ADA2: variants seen among roughly 807,000 people sequenced by gnomAD.
ADA2 encodes adenosine deaminase CECR1.
A neutral mutation model predicts 44.2 loss-of-function variants in ADA2; 29 were observed. The ratio of observed to expected loss-of-function variants is 0.66; its 90% CI spans 0.49 to 0.89. The LOEUF is 0.89. ADA2 is among the 40% of genes least tolerant of loss of function. The pLI, the probability that ADA2 is intolerant of heterozygous loss-of-function variation, is 0.00. For synonymous variants in ADA2, 215 were observed against 234.9 expected (o/e 0.92, Z 0.77); for missense variants, 637 against 644.8 (o/e 0.99, Z 0.13).
chr22:17,219,071 G>A (rs9619018), intron 1 of ADA2, among the ~76,000 whole-genome samples: 105 of 152,340 alleles, frequency 6.9e-4, no homozygotes, highest in African/African-American at 2.2e-3. Flanking sequence ...GCACAAGAAT[G>A]GCTTGAACTC....
chr22:17,193,447 A>T, intron 4 of ADA2: 1 of 359,256 alleles, frequency 2.8e-6, no homozygotes, highest in Non-Finnish European at 5.1e-6. Context: ...TGGGTGGATC[A>T]CGAGGTCATG....
intron 1 of ADA2, among the ~76,000 whole-genome samples, chr22:17,212,794 C>A (rs1483325062): frequency 7.4e-6 from 1 of 135,540 alleles, no homozygotes; most frequent in East Asian, 2.2e-4. Flanking sequence ...TTTTTTTTTT[C>A]CTTGAGACAG....
rs2062391435 is a variant in ADA2, at chr22:17,209,355, C to T, written c.322+1G>A. The T allele has an allele frequency of 1.2e-6, 2 of 1,612,322 alleles. No homozygotes were observed. The highest frequency in any genetic ancestry group is 1.7e-6 in the Non-Finnish European group (2 of 1,178,802). ...CCAAGCCACCCCTTTCCAAACCTTACCTTTTGGCATCATCCTTAGAATATT... is the reference window on the plus strand; with the variant it reads ...CCAAGCCACCCCTTTCCAAACCTTATCTTTTGGCATCATCCTTAGAATATT... On this transcript the variant is annotated splice_donor_variant, in intron 2 of 9. Transcript: ENST00000399837. LOFTEE classifies it high-confidence loss of function.
chr22:17,220,939 C>T (rs934352089), upstream of ADA2, among the ~76,000 whole-genome samples: 5 of 151,930 alleles, frequency 3.3e-5, no homozygotes, highest in Non-Finnish European at 5.9e-5. Context: ...TTTGGGAGGC[C>T]GAGGCAGGTG....
intron 4 of ADA2, chr22:17,199,685 C>T: frequency 6.3e-7 from 1 of 1,586,590 alleles, no homozygotes; most frequent in Non-Finnish European, 8.6e-7. Flanking sequence ...GTGAGGAAAG[C>T]GACGAACTTA....
chr22:17,209,421 A>C lies in ADA2; in HGVS notation c.257T>G (p.Phe86Cys). The C allele has an allele frequency of 6.2e-7, 1 of 1,614,074 alleles. No homozygotes were observed. The highest frequency in any genetic ancestry group is 8.5e-7 in the Non-Finnish European group (1 of 1,180,034). ...RTLIFPPSMH[F>C]FQAKHLIERS... The stretch of plus-strand genomic sequence containing the variant: ...CTCAATGAGATGCTTGGCCTGGAAA[A>C]AGTGCATGCTGGGTGGGAATATCAG... The change falls in exon 2 of 10, where the codon TTT (phenylalanine) becomes TGT (cysteine). Residue 86 changes from phenylalanine (F) to cysteine (C), a missense_variant. By Grantham distance (205) the Phe-to-Cys change is radical (BLOSUM62 -2). Coordinates refer to ENST00000399837, the MANE Select transcript of ADA2 (RefSeq NM_001282225.2).
In ADA2 at chr22:17,181,328, G is replaced by T; in HGVS notation, c.*155C>A. On this transcript the variant is annotated 3_prime_UTR_variant, in exon 10 of 10. Transcript: ENST00000399837. ...GTGGCTGAGAGAGAATATTTCCAGA[G>T]GATGAATTTGCTCAGCCAGCCAAGT... is the stretch of plus-strand genomic sequence containing the variant. 4.6e-6 allele frequency: 3 copies of T among 658,300 alleles called. No homozygotes were observed. The South Asian group carries it at 5.1e-5, about 11-fold the overall frequency. The allele number at this position is 658,300 out of a possible 1,614,324, so 40.8% of individuals were successfully genotyped here. A position where few individuals can be genotyped will look rare whatever the true frequency, so the allele number is the denominator to read the frequency against.
rs748018370 is a variant in ADA2 at position 17,181,435 on chromosome 22, G to T, written c.*48C>A. 1.7e-6 allele frequency: 2 copies of T among 1,201,952 alleles called. No individual in the cohort carries two copies. Among genetic ancestry groups the T allele is most frequent in the South Asian group, 1.2e-5 (1 of 82,578 alleles). 74.5% of individuals were successfully genotyped at this position (1,201,952 alleles called of 1,614,324 possible). ...GATTCAAGAACGAGTGAGAGGAAGT[G>T]ACAGCGTGTGCAAGAAGACAGCTTG... On this transcript the variant is annotated 3_prime_UTR_variant, in exon 10 of 10. Coordinates refer to ENST00000399837, the MANE Select transcript of ADA2 (RefSeq NM_001282225.2).
chr22:17,208,506 T>C (rs1304224415), intron 2 of ADA2, among the ~76,000 whole-genome samples: 4 of 149,782 alleles, frequency 2.7e-5, no homozygotes, highest in Admixed American at 2.0e-4. Flanking sequence ...TTTTACATTT[T>C]AAATTAACAT....
chr22:17,207,536 A>G (rs779945707), intron 2 of ADA2, among the ~76,000 whole-genome samples: 2 of 152,088 alleles, frequency 1.3e-5, no homozygotes, highest in Non-Finnish European at 2.9e-5. Flanking sequence ...ATTTCTGTCC[A>G]GACATGTTTC....
intron 5 of ADA2, among the ~76,000 whole-genome samples, chr22:17,190,475 C>A (rs1427819242): frequency 6.6e-6 from 1 of 152,154 alleles, no homozygotes; most frequent in Non-Finnish European, 1.5e-5. Context: ...TCGGCTGGAC[C>A]CAGTAACCAT....
In ADA2 at chr22:17,188,297, T is replaced by C. The variant is rs368417650; in HGVS notation, c.1081+42A>G. On this transcript the variant is annotated intron_variant, in intron 7 of 9. Coordinates refer to ENST00000399837, the MANE Select transcript of ADA2 (RefSeq NM_001282225.2). ...GGGCCTGTGGCCAGGAGCTCTCCCA[T>C]TGACCACCTCCGCTGCCTCTGCTCG... is the stretch of plus-strand genomic sequence containing the variant. 1.6e-4 allele frequency: 238 copies of C among 1,468,040 alleles called. 1 individual carries two copies. In the Middle Eastern group the frequency reaches 7.9e-3, roughly 49 times the overall value. The allele number at this position is 1,468,040 out of a possible 1,614,324, so 90.9% of individuals were successfully genotyped here.
chr22:17,188,485 C>A lies in ADA2; in HGVS notation c.973-38G>T, dbSNP rs148435119. The A allele has an allele frequency of 1.9e-5, 27 of 1,450,258 alleles. No individual in the cohort carries two copies. In the South Asian group the frequency reaches 2.4e-4, roughly 13 times the overall value. The allele number at this position is 1,450,258 out of a possible 1,614,324, so 89.8% of individuals were successfully genotyped here. On this transcript the variant is annotated intron_variant, in intron 6 of 9. Transcript: ENST00000399837. ...GAGGGACAGGGAGGTGTCTGCAGGG[C>A]GCATGCCTCACTTGCTGATGGCGCG...
intron 4 of ADA2, among the ~76,000 whole-genome samples, chr22:17,200,074 A>C (rs968279627): frequency 6.6e-6 from 1 of 152,156 alleles, no homozygotes; most frequent in Non-Finnish European, 1.5e-5. Flanking sequence ...GTACACCTGT[A>C]ATCCCAGCTA....
intron 4 of ADA2, among the ~76,000 whole-genome samples, chr22:17,193,610 G>T (rs1371206253): frequency 5.3e-5 from 8 of 150,198 alleles, no homozygotes; most frequent in Non-Finnish European, 1.0e-4. Flanking sequence ...AGAGGTTGCT[G>T]TGAGCCAAGA....
chr22:17,213,824 A>G (rs1158135087), intron 1 of ADA2: 1 of 256,960 alleles, frequency 3.9e-6, no homozygotes, highest in South Asian at 4.1e-5. Flanking sequence ...GATCACCTGA[A>G]GTCAGGAGTT....
rs2061966961 is a variant in ADA2, at chr22:17,181,434, TG to T, written c.*48del. ...TGATTCAAGAACGAGTGAGAGGAAG[TG>T]ACAGCGTGTGCAAGAAGACAGCTTG... On this transcript the variant is annotated 3_prime_UTR_variant, in exon 10 of 10. Coordinates refer to ENST00000399837, the MANE Select transcript of ADA2 (RefSeq NM_001282225.2). The T allele has an allele frequency of 1.7e-6, 2 of 1,189,848 alleles. No individual in the cohort carries two copies. Among genetic ancestry groups the T allele is most frequent in the African/African-American group, 3.0e-5 (2 of 66,744 alleles). 73.7% of individuals were successfully genotyped at this position (1,189,848 alleles called of 1,614,324 possible).
chr22:17,210,115 C>T (rs1470867146), intron 1 of ADA2, among the ~76,000 whole-genome samples: 5 of 151,838 alleles, frequency 3.3e-5, no homozygotes, highest in Admixed American at 6.6e-5. Flanking sequence ...TGGTCACGAT[C>T]TCCTGACCTC....
At chr22:17,200,857 G>A (rs1025134041) in intron 4 of ADA2, among the ~76,000 whole-genome samples, 3 of 148,818 alleles carry the variant, frequency 2.0e-5, no homozygotes, top group African/African-American at 7.5e-5. Context: ...ACTCCAGCCT[G>A]GGCAACAAGA....
Sources: gnomAD v4.1 joint callset for allele counts (sites outside exome capture counted in the v4.1 genomes callset) on GRCh38, gnomAD v4.1.1 for gene constraint, MANE v1.5 for transcripts, NCBI Gene and HGNC (gene_info 2026-07-23, HGNC 2026-07-21) for gene names.